ADAM33: variants seen among roughly 807,000 people sequenced by gnomAD.
The protein encoded by ADAM33 is ADAM metallopeptidase domain 33.
A neutral mutation model predicts 106.2 loss-of-function variants in ADAM33; 103 were observed. The ratio of observed to expected loss-of-function variants is 0.97; its 90% confidence interval spans 0.83 to 1.14. The LOEUF is 1.14. Ranked by LOEUF, ADAM33 falls within the 50% of genes most tolerant of loss-of-function variation. The pLI is 0.00. For synonymous variants in ADAM33, 483 were observed against 453.0 expected, an observed-to-expected ratio of 1.07 and a Z score of -0.84; for missense variants, 1,120 against 1,096.6, an observed-to-expected ratio of 1.02 and a Z score of -0.30.
chr20:3,672,781 C>G lies in ADAM33; in HGVS notation c.1251G>C (p.Pro417=). The change falls in exon 12 of 22, where the codon CCG becomes CCC. Residue 417 remains proline, a synonymous_variant. Transcript: ENST00000356518. ...NAPDPGLPVP[P]ALCGNGFVEA... ...CCACGAAGCCGTTCCCGCAGAGCGC[C>G]GGCGGCACCGGGAGTCCGGGGTCCG... 6.4e-7 allele frequency: 1 copy of G among 1,570,570 alleles called. No homozygotes were observed. Among genetic ancestry groups the G allele is most frequent in the Non-Finnish European group, 8.6e-7 (1 of 1,158,246 alleles).
In ADAM33 at chr20:3,671,484, T is replaced by C; in HGVS notation, c.1918A>G (p.Arg640Gly). The change falls in exon 17 of 22, where the codon AGG becomes GGG. Residue 640 changes from arginine to glycine, a missense_variant. By Grantham distance (125) the Arg-to-Gly change is moderately radical (BLOSUM62 -2). Transcript: ENST00000356518. ...QCGPRMVCQS[R>G]RCRKNAFQEL... ...TGGAAGGCATTCTTCCTGCAGCGCC[T>C]GCTCTGGCACACCTACGGGCAGTGC... The C allele has an allele frequency of 1.9e-6, 3 of 1,611,036 alleles. No individual in the cohort carries two copies. The highest frequency in any genetic ancestry group is 2.5e-6 in the Non-Finnish European group (3 of 1,178,290).
In ADAM33 at chr20:3,675,034, T is replaced by C. The variant is rs41467948; in HGVS notation, c.326A>G (p.Asn109Ser). Residue 109 changes from asparagine to serine, a missense_variant, in exon 4 of 22, where the codon AAC becomes AGC. Coordinates refer to ENST00000356518, the MANE Select transcript of ADAM33 (RefSeq NM_025220.5). This position sits in a 1 kb window ranked among gnomAD's most constrained non-coding sequence, Gnocchi z 4.1. The stretch of plus-strand genomic sequence containing the variant: ...CCCATGGAAGCATCTCACCGTGTGG[T>C]TGGGGGCCAGCACCACTGGCTGCCC... ...PDGQPVVLAP[N>S]HTDHCHYQGR... 2,980 of 1,613,324 alleles carry C rather than the reference T, an allele frequency of 1.8e-3. 50 individuals carry two copies. In the African/African-American group the frequency reaches 0.035, roughly 19 times the overall value.
chr20:3,674,836 T>C lies in ADAM33; in HGVS notation c.347A>G (p.Tyr116Cys). ...LAPNHTDHCH[Y>C]QGRVRGFPDS... ...GGGGAAGCCCCTTACTCGCCCTTGG[T>C]AGTGGCAATGATCCTAGGGAGGAAG... The change falls in exon 5 of 22, where the codon TAC (tyrosine) becomes TGC (cysteine). Residue 116 changes from tyrosine (Y) to cysteine (C), a missense_variant. Coordinates refer to ENST00000356518, the MANE Select transcript of ADAM33 (RefSeq NM_025220.5). 6.2e-7 allele frequency: 1 copy of C among 1,610,814 alleles called. No homozygotes were observed. The highest frequency in any genetic ancestry group is 8.5e-7 in the Non-Finnish European group (1 of 1,178,248).
intron 19 of ADAM33, 152 bp from the exon 20 acceptor site, chr20:3,669,789 C>T (rs1568795091): frequency 1.3e-6 from 1 of 752,508 alleles, no homozygotes; most frequent in African/African-American, 1.7e-5. Flanking sequence ...CAGCTCCCTT[C>T]CTGCTCCCTC....
At chr20:3,676,812 C>G (rs1482408224) in intron 3 of ADAM33, among the ~76,000 whole-genome samples, 2 of 152,182 alleles carry the variant, frequency 1.3e-5, no homozygotes, top group African/African-American at 2.4e-5. Flanking sequence ...CTAGGTGGTG[C>G]TCACTCATCG....
Position 3,674,977 on chromosome 20 carries a change from TG to T in ADAM33, c.333+49del, listed in dbSNP as rs11475668. Reference sequence around the variant, plus strand: ...CAAGGAGGAGTAGGGGTAGGAATGGTGGGGGGGTACCTCTGGCGGTGCATCC... The same window carrying T: ...CAAGGAGGAGTAGGGGTAGGAATGGTGGGGGGTACCTCTGGCGGTGCATCC... On this transcript the variant is annotated intron_variant, in intron 4 of 21. Coordinates refer to ENST00000356518, the MANE Select transcript of ADAM33 (RefSeq NM_025220.5). 3,133 of 1,611,574 alleles carry T rather than the reference TG, an allele frequency of 1.9e-3. 40 individuals are homozygous for T. In the African/African-American group the frequency reaches 0.032, roughly 17 times the overall value.
At chr20:3,681,398 C>T (rs1210178592) in intron 1 of ADAM33, among the ~76,000 whole-genome samples, 3 of 152,120 alleles carry the variant, frequency 2.0e-5, no homozygotes, top group African/African-American at 4.8e-5. Flanking sequence ...GGAGGAGGGA[C>T]GAGGGGTGAG....
intron 1 of ADAM33, among the ~76,000 whole-genome samples, chr20:3,681,137 C>T (rs1397635988): frequency 1.3e-5 from 2 of 152,176 alleles, no homozygotes; most frequent in Non-Finnish European, 2.9e-5. Flanking sequence ...GCCCCGCATG[C>T]CCCCTCCCTG....
intron 1 of ADAM33, among the ~76,000 whole-genome samples, chr20:3,680,782 T>C (rs1005319695): frequency 1.3e-5 from 2 of 152,082 alleles, no homozygotes; most frequent in African/African-American, 4.8e-5. Context: ...GTGGGTGCAG[T>C]GTGGTGTGTG....
chr20:3,670,678 T>G lies in ADAM33; in HGVS notation c.2240+328A>C, dbSNP rs2087474175. ...TCCGGGGGCAGCATGGTACAGGGAC[T>G]GCAATCTGAGCCAGGGAAAAACAGG... On this transcript the variant is annotated intron_variant, in intron 19 of 21. Transcript: ENST00000356518. The G allele has an allele frequency of 9.1e-6, 3 of 331,412 alleles. No individual in the cohort carries two copies. In the South Asian group the frequency reaches 1.6e-4, roughly 18 times the overall value. 20.5% of individuals were successfully genotyped at this position (331,412 alleles called of 1,614,324 possible).
chr20:3,674,590 G>C lies in ADAM33; in HGVS notation c.514C>G (p.Leu172Val), dbSNP rs760997390. ...CCACAGGTTCCTTTCCAGGTGAGCA[G>C]CTGCTCCATCCGAAAGATCTCGTGG... ...STHEIFRMEQ[L>V]LTWKGTCGHR... The change falls in exon 6 of 22, where the codon CTG becomes GTG. Residue 172 changes from leucine to valine, a missense_variant. By Grantham distance (32) the Leu-to-Val change is conservative (BLOSUM62 1). Transcript: ENST00000356518. 6 of 1,613,402 alleles carry C rather than the reference G, an allele frequency of 3.7e-6. No individual in the cohort carries two copies. The highest frequency in any genetic ancestry group is 5.1e-6 in the Non-Finnish European group (6 of 1,179,840).
At chr20:3,679,214 G>A (rs543211546) in intron 2 of ADAM33, among the ~76,000 whole-genome samples, 128 of 150,916 alleles carry the variant, frequency 8.5e-4, no homozygotes, top group Non-Finnish European at 1.0e-3. Flanking sequence ...CCTGGTGGGG[G>A]TGGGGGTGGC....
intron 1 of ADAM33, among the ~76,000 whole-genome samples, chr20:3,681,023 G>A (rs1434000854): frequency 2.0e-5 from 3 of 152,118 alleles, no homozygotes; most frequent in African/African-American, 7.2e-5. Context: ...GCAGTGGACC[G>A]CCTGGGGCCC....
In ADAM33 at chr20:3,675,788, C is replaced by T. The variant is rs141759290; in HGVS notation, c.255-683G>A. Among the ~76,000 whole-genome samples the T allele has an allele frequency of 6.6e-6, 1 of 152,248 alleles. No homozygotes were observed. Among genetic ancestry groups the T allele is most frequent in the Non-Finnish European group, 1.5e-5 (1 of 68,020 alleles). On this transcript the variant is annotated intron_variant, in intron 3 of 21. Coordinates refer to ENST00000356518, the MANE Select transcript of ADAM33 (RefSeq NM_025220.5). The surrounding 1 kb of genome is among the most constrained non-coding windows in gnomAD (Gnocchi z 4.1). Reference sequence around the variant, plus strand: ...ACGGATGGATCAATCATAAGTCAATCTGTCTTCTTTAAAGAAAATCCTTAA... The same window carrying T: ...ACGGATGGATCAATCATAAGTCAATTTGTCTTCTTTAAAGAAAATCCTTAA...
Position 3,672,226 on chromosome 20 carries a change from A to C in ADAM33, c.1505T>G (p.Leu502Arg), listed in dbSNP as rs769288537. Residue 502 changes from leucine to arginine, a missense_variant, in exon 14 of 22, where the codon CTG (leucine) becomes CGG (arginine). Transcript: ENST00000356518. ...SSHCPPDVYL[L>R]DGSPCARGSG... is the part of the protein sequence containing the mutation. ...GCCCCTGGCACAGGGTGAGCCGTCC[A>C]GTAGGTAAACGTCTGGGGGACAGTG... is the stretch of plus-strand genomic sequence containing the variant. 1.2e-6 allele frequency: 2 copies of C among 1,613,334 alleles called. No individual in the cohort carries two copies. The highest frequency in any genetic ancestry group is 1.3e-5 in the African/African-American group (1 of 74,954).
chr20:3,670,987 G>C lies in ADAM33; in HGVS notation c.2240+19C>G. The C allele has an allele frequency of 1.3e-6, 2 of 1,534,418 alleles. No individual in the cohort carries two copies. The highest frequency in any genetic ancestry group is 1.8e-6 in the Non-Finnish European group (2 of 1,139,136). On this transcript the variant is annotated intron_variant, in intron 19 of 21. Coordinates refer to ENST00000356518, the MANE Select transcript of ADAM33 (RefSeq NM_025220.5). Reference sequence around the variant, plus strand: ...GGAACCGCAGGAGTAGGCTCAGGAAGCAGGCGCTCGGAGCCTACCCACTGC... The same window carrying C: ...GGAACCGCAGGAGTAGGCTCAGGAACCAGGCGCTCGGAGCCTACCCACTGC...
chr20:3,674,651 A>G lies in ADAM33; in HGVS notation c.453T>C (p.Arg151=). The part of the protein sequence containing the change: ...TLSRNASYYL[R]PWPPRGSKDF... ...CCTTGGAGCCCCGGGGTGGCCAGGG[A>G]CGCAGATAATAGCTGGCATTCCTGC... is the stretch of plus-strand genomic sequence containing the variant. Residue 151 remains arginine (R), a synonymous_variant, in exon 6 of 22, where the codon CGT becomes CGC. Transcript: ENST00000356518. 1.9e-6 allele frequency: 3 copies of G among 1,612,202 alleles called. No individual in the cohort carries two copies. The highest frequency in any genetic ancestry group is 1.7e-4 in the Middle Eastern group (1 of 6,046).
In ADAM33 at chr20:3,672,272, A is replaced by G; in HGVS notation, c.1459T>C (p.Phe487Leu). 1.2e-6 allele frequency: 2 copies of G among 1,613,236 alleles called. No homozygotes were observed. The highest frequency in any genetic ancestry group is 1.7e-6 in the Non-Finnish European group (2 of 1,179,986). The change falls in exon 14 of 22, where the codon TTT becomes CTT. Residue 487 changes from phenylalanine (F) to leucine (L), a missense_variant. Transcript: ENST00000356518. ...QAMGDCDLPEFCTGTSSHCPP... is the reference protein window; with the variant it reads ...QAMGDCDLPELCTGTSSHCPP... Reference sequence around the variant, plus strand: ...CAGTGGGAGGAGGTGCCCGTGCAAAACTCAGGGAGGTCACAGTCACCCATG... The same window carrying G: ...CAGTGGGAGGAGGTGCCCGTGCAAAGCTCAGGGAGGTCACAGTCACCCATG...
chr20:3,671,891 C>G lies in ADAM33; in HGVS notation c.1692G>C (p.Leu564=). Residue 564 remains leucine, a synonymous_variant, in exon 15 of 22, where the codon CTG becomes CTC. Coordinates refer to ENST00000356518, the MANE Select transcript of ADAM33 (RefSeq NM_025220.5). The part of the protein sequence containing the change: ...NCGQDSEGHF[L]PCAGRDALCG... ...CCACTCCCTACCTCCCTGCACAGGGCAGGAAGTGGCCCTCGCTGTCCTGGC... is the reference window on the plus strand; with the variant it reads ...CCACTCCCTACCTCCCTGCACAGGGGAGGAAGTGGCCCTCGCTGTCCTGGC... 1 of 1,553,320 alleles carries G rather than the reference C, an allele frequency of 6.4e-7. No homozygotes were observed. Among genetic ancestry groups the G allele is most frequent in the Non-Finnish European group, 8.7e-7 (1 of 1,147,826 alleles).
Sources: allele counts gnomAD v4.1 joint callset (sites outside exome capture counted in the v4.1 genomes callset), GRCh38; gene constraint gnomAD v4.1.1; non-coding constraint Gnocchi (gnomAD v3.1); transcripts MANE v1.5; gene names NCBI Gene and HGNC (gene_info 2026-07-23, HGNC 2026-07-21).